The following NFAT5 variants were observed in gnomAD, a reference collection of about 807,000 sequenced individuals.
The protein encoded by NFAT5 is nuclear factor of activated T cells 5.
A neutral mutation model predicts 166.5 loss-of-function variants in NFAT5; 31 were observed. That is an observed-to-expected ratio of 0.19 (90% CI 0.14 to 0.25). NFAT5 has a LOEUF of 0.25. NFAT5 is among the 10% of genes least tolerant of loss of function. NFAT5 has a pLI of 1.00. For missense variants in NFAT5, 1,449 were observed against 1,821.8 expected (o/e 0.80, Z 3.72); for synonymous variants, 612 against 639.7 (o/e 0.96, Z 0.65).
At chr16:69,597,965 GAGA>G (rs2032901218) in intron 2 of NFAT5, among the ~76,000 whole-genome samples, 2 of 152,196 alleles carry the variant, frequency 1.3e-5, no homozygotes, top group Non-Finnish European at 1.5e-5. Flanking sequence ...CTGTTGTCTA[GAGA>G]AGAAGATGTT....
intron 10 of NFAT5, among the ~76,000 whole-genome samples, chr16:69,680,192 A>G (rs971184635): frequency 1.3e-5 from 2 of 152,212 alleles, no homozygotes; most frequent in Non-Finnish European, 2.9e-5. Context: ...TTGACATTTA[A>G]TGTTTGGCAG....
At chr16:69,593,703 A>G (rs1386540487) in intron 2 of NFAT5, among the ~76,000 whole-genome samples, 1 of 152,196 alleles carries the variant, frequency 6.6e-6, no homozygotes, top group East Asian at 1.9e-4. Flanking sequence ...GGGGAGAGAA[A>G]AAAGGAAGCA....
intron 9 of NFAT5, among the ~76,000 whole-genome samples, chr16:69,675,671 C>A (rs1179524731): frequency 6.6e-6 from 1 of 152,016 alleles, no homozygotes; most frequent in Non-Finnish European, 1.5e-5. Context: ...CAGAGTTACG[C>A]TCTTGTTGCC....
At chr16:69,572,541 A>G (rs1349591586) in intron 2 of NFAT5, among the ~76,000 whole-genome samples, 1 of 152,146 alleles carries the variant, frequency 6.6e-6, no homozygotes, top group African/African-American at 2.4e-5. Flanking sequence ...AGCTGCAGAG[A>G]AAAGGCACCA....
chr16:69,614,230 A>C (rs1275889591), intron 2 of NFAT5, among the ~76,000 whole-genome samples: 1 of 151,386 alleles, frequency 6.6e-6, no homozygotes, highest in Non-Finnish European at 1.5e-5. Flanking sequence ...ATCACAGCTC[A>C]CTACAGCCTT....
At chr16:69,603,986 G>T (rs1292901771) in intron 2 of NFAT5, among the ~76,000 whole-genome samples, 1 of 152,030 alleles carries the variant, frequency 6.6e-6, no homozygotes, top group African/African-American at 2.4e-5. Context: ...ATTAATTTTA[G>T]TAGCTAATAT....
intron 9 of NFAT5, among the ~76,000 whole-genome samples, chr16:69,672,998 C>T (rs1386704568): frequency 6.8e-6 from 1 of 146,052 alleles, no homozygotes; most frequent in African/African-American, 2.6e-5. Flanking sequence ...AAGTTATCCT[C>T]CCTCCCTACC....
At chr16:69,683,406 C>T (rs749286988) in intron 10 of NFAT5, among the ~76,000 whole-genome samples, 29 of 151,826 alleles carry the variant, frequency 1.9e-4, no homozygotes, top group Admixed American at 3.9e-4. Context: ...GTGGCGTGTG[C>T]CTGTAGTTCC....
chr16:69,665,236 G>A lies in NFAT5; in HGVS notation c.1370-4741G>A, dbSNP rs940337419. ...CATACTGAATGGGCAAAAACTGGAA[G>A]CATTCCCTTTGAAAACTGGCACAAG... On this transcript the variant is annotated intron_variant, in intron 7 of 14. Coordinates refer to ENST00000349945, the MANE Select transcript of NFAT5 (RefSeq NM_138713.4). Among the ~76,000 whole-genome samples the A allele has an allele frequency of 2.0e-5, 3 of 151,266 alleles. No individual in the cohort carries two copies. In the East Asian group the frequency reaches 5.8e-4, roughly 29 times the overall value.
At chr16:69,567,049 T>G (rs772435131) in intron 1 of NFAT5, among the ~76,000 whole-genome samples, 21 of 152,206 alleles carry the variant, frequency 1.4e-4, no homozygotes, top group Middle Eastern at 3.4e-3. Flanking sequence ...CCCACCTCCG[T>G]GGCATTCTAA....
intron 3 of NFAT5, among the ~76,000 whole-genome samples, chr16:69,638,511 A>C (rs1248736397): frequency 1.3e-5 from 2 of 152,154 alleles, no homozygotes; most frequent in African/African-American, 4.8e-5. Context: ...TGGTGCGTGG[A>C]TCACCTGAGG....
intron 2 of NFAT5, among the ~76,000 whole-genome samples, chr16:69,588,118 C>G (rs539562929): frequency 5.5e-4 from 83 of 151,078 alleles, no homozygotes; most frequent in Non-Finnish European, 1.0e-3. Context: ...ATGCCTGGCC[C>G]GTTTTTGTGT....
chr16:69,566,112 C>CT lies in NFAT5; in HGVS notation c.-190_-189insT. 2 of 573,678 alleles carry CT rather than the reference C, an allele frequency of 3.5e-6. No homozygotes were observed. The highest frequency in any genetic ancestry group is 6.1e-6 in the Non-Finnish European group (2 of 330,160). The allele number at this position is 573,678 out of a possible 1,614,324, so 35.5% of individuals were successfully genotyped here. ...CCGAGAATCAGTCCCCGTGGAGTTCCCCCTCCACCTCGCCATCGTTTCCTC... is the reference window on the plus strand; with the variant it reads ...CCGAGAATCAGTCCCCGTGGAGTTCCTCCCTCCACCTCGCCATCGTTTCCTC... On this transcript the variant is annotated 5_prime_UTR_variant, in exon 1 of 15. Coordinates refer to ENST00000349945, the MANE Select transcript of NFAT5 (RefSeq NM_138713.4). This position sits in a 1 kb window ranked among gnomAD's most constrained non-coding sequence, Gnocchi z 5.7.
At chr16:69,590,017 T>TA (rs2032360595) in intron 2 of NFAT5, among the ~76,000 whole-genome samples, 2 of 151,994 alleles carry the variant, frequency 1.3e-5, no homozygotes, top group African/African-American at 2.4e-5. Context: ...ACAAAAACTT[T>TA]AAAAAAACTA....
chr16:69,606,969 G>T (rs1291658250), intron 2 of NFAT5, among the ~76,000 whole-genome samples: 1 of 152,134 alleles, frequency 6.6e-6, no homozygotes, highest in Non-Finnish European at 1.5e-5. Flanking sequence ...TAATGTCCGT[G>T]GAATATCTCA....
At chr16:69,620,342 G>T (rs6499237) in intron 2 of NFAT5, among the ~76,000 whole-genome samples, 55,644 of 152,064 alleles carry the variant, frequency 0.37, 11,179 homozygotes, top group African/African-American at 0.53. Flanking sequence ...TGCACTTACC[G>T]TGGCATTTTG....
chr16:69,603,916 CTT>C (rs1416538764), intron 2 of NFAT5, among the ~76,000 whole-genome samples: 1 of 152,108 alleles, frequency 6.6e-6, no homozygotes, highest in South Asian at 2.1e-4. Context: ...GGTGGAGAGA[CTT>C]AACAGTTAAA....
intron 11 of NFAT5, among the ~76,000 whole-genome samples, chr16:69,687,227 G>A (rs1292465415): frequency 6.6e-6 from 1 of 152,006 alleles, no homozygotes; most frequent in Non-Finnish European, 1.5e-5. Context: ...GATCACCTGA[G>A]GTCAGGAGTT....
At chr16:69,678,278 G>T (rs979843804) in intron 10 of NFAT5, among the ~76,000 whole-genome samples, 1 of 151,334 alleles carries the variant, frequency 6.6e-6, no homozygotes, top group Non-Finnish European at 1.5e-5. Context: ...GCAATGGCGC[G>T]ATCTTGGCTC....
Sources: gnomAD v4.1 joint callset for allele counts (sites outside exome capture counted in the v4.1 genomes callset) on GRCh38, gnomAD v4.1.1 for gene constraint, Gnocchi (gnomAD v3.1) non-coding constraint, MANE v1.5 for transcripts, NCBI Gene and HGNC (gene_info 2026-07-23, HGNC 2026-07-21) for gene names.